Variants in OR4C6 observed in about 807,000 individuals in gnomAD.
OR4C6 encodes olfactory receptor family 4 subfamily C member 6, also known as olfactory receptor 4C6.
A neutral mutation model predicts 13.9 loss-of-function variants in OR4C6; 20 were observed. That is an observed-to-expected ratio of 1.43 (90% CI 1.01 to 2.08). The LOEUF is 2.08. Ranked by LOEUF, OR4C6 falls within the 30% of genes most tolerant of loss-of-function variation. The pLI is 0.00. For missense variants in OR4C6, 555 were observed against 381.2 expected (o/e 1.46, Z -3.80); for synonymous variants, 193 against 141.5 (o/e 1.36, Z -2.58).
At chr11:55,662,855 G>A (rs1858686981) in intron 1 of OR4C6, among the ~76,000 whole-genome samples, 2 of 138,986 alleles carry the variant, frequency 1.4e-5, no homozygotes, top group African/African-American at 2.5e-5. Flanking sequence ...CCTGGGCATC[G>A]GAGTTAGTCA....
At chr11:55,663,629 G>A (rs1288110827) in intron 1 of OR4C6, among the ~76,000 whole-genome samples, 1 of 138,466 alleles carries the variant, frequency 7.2e-6, no homozygotes, top group African/African-American at 2.5e-5. Flanking sequence ...AGTTAGTGAT[G>A]CAAAGTGGAA....
intron 1 of OR4C6, among the ~76,000 whole-genome samples, chr11:55,664,485 G>C (rs888609977): frequency 9.2e-5 from 14 of 152,008 alleles, no homozygotes; most frequent in Non-Finnish European, 1.5e-4. Context: ...AAATTTAGAA[G>C]AAAAGCACAC....
At chr11:55,662,871 C>G (rs1424875206) in intron 1 of OR4C6, among the ~76,000 whole-genome samples, 1 of 139,142 alleles carries the variant, frequency 7.2e-6, no homozygotes, top group African/African-American at 2.5e-5. Flanking sequence ...AGTCACATGC[C>G]TGCAAGAAAC....
Position 55,665,823 on chromosome 11 carries a change from C to T in OR4C6, c.657C>T (p.Ile219=). 6.2e-7 allele frequency: 1 copy of T among 1,613,940 alleles called. No individual in the cohort carries two copies. The highest frequency in any genetic ancestry group is 1.1e-5 in the South Asian group (1 of 91,078). ...FLILIASYTV[I]LCSLKSYSSK... ...TCTTAATTGCGTCCTACACGGTCAT[C>T]CTATGCTCCCTGAAGTCTTACAGCT... is the stretch of plus-strand genomic sequence containing the variant. The change falls in exon 2 of 2, where the codon ATC becomes ATT. Residue 219 remains isoleucine, a synonymous_variant. Coordinates refer to ENST00000314259, the MANE Select transcript of OR4C6 (RefSeq NM_001004704.2).
intron 1 of OR4C6, among the ~76,000 whole-genome samples, chr11:55,664,835 G>A (rs977213240): frequency 9.2e-5 from 14 of 152,102 alleles, no homozygotes; most frequent in South Asian, 6.2e-4. Flanking sequence ...CCAAGGTGAG[G>A]TAGGTGCTAA....
intron 1 of OR4C6, among the ~76,000 whole-genome samples, chr11:55,664,062 C>T (rs78786913): frequency 0.023 from 2,113 of 91,598 alleles, 248 homozygotes; most frequent in African/African-American, 0.062. Context: ...GAATCGAAGC[C>T]GTGTGAGCAA....
chr11:55,665,837 A>G lies in OR4C6; in HGVS notation c.671A>G (p.Lys224Arg), dbSNP rs375652572. The change falls in exon 2 of 2, where the codon AAG (lysine) becomes AGG (arginine). Residue 224 changes from lysine (K) to arginine (R), a missense_variant. Physicochemically the swap from Lys to Arg is conservative, Grantham distance 26. Coordinates refer to ENST00000314259, the MANE Select transcript of OR4C6 (RefSeq NM_001004704.2). ...ASYTVILCSL[K>R]SYSSKGRHKA... is the part of the protein sequence containing the mutation. ...TACACGGTCATCCTATGCTCCCTGA[A>G]GTCTTACAGCTCTAAAGGGCGGCAC... 6.2e-7 allele frequency: 1 copy of G among 1,613,884 alleles called. No individual in the cohort carries two copies. The highest frequency in any genetic ancestry group is 8.5e-7 in the Non-Finnish European group (1 of 1,180,012).
intron 1 of OR4C6, 46 bp from the exon 2 acceptor site, chr11:55,665,079 G>A: frequency 2.4e-6 from 2 of 835,340 alleles, no homozygotes; most frequent in South Asian, 1.7e-5. Context: ...GGAAATACAA[G>A]AAGCCAAATT....
rs1031527276 is a variant in OR4C6 at position 55,664,857 on chromosome 11, A to G, written c.-42-268A>G. 3.3e-5 allele frequency among the ~76,000 whole-genome samples: 5 copies of G among 152,092 alleles called. No homozygotes were observed. In the South Asian group the frequency reaches 1.0e-3, roughly 32 times the overall value. ...GAGGTAGGTGCTAAAAAAGTTATCT[A>G]TTAATAATAACTATTATAAAGGTAG... is the stretch of plus-strand genomic sequence containing the variant. On this transcript the variant is annotated intron_variant, in intron 1 of 1. Transcript: ENST00000314259.
chr11:55,665,390 T>C lies in OR4C6; in HGVS notation c.224T>C (p.Val75Ala). 6.2e-7 allele frequency: 1 copy of C among 1,613,794 alleles called. No individual in the cohort carries two copies. Among genetic ancestry groups the C allele is most frequent in the Non-Finnish European group, 8.5e-7 (1 of 1,179,898 alleles). The change falls in exon 2 of 2, where the codon GTT becomes GCT. Residue 75 changes from valine to alanine, a missense_variant. By Grantham distance (64) the Val-to-Ala change is moderately conservative. Transcript: ENST00000314259. Reference sequence around the variant, plus strand: ...TTGGATGTCATGTTCTCATCTGTCGTTGCCCCCAAGGTGATTGTAGACACC... The same window carrying C: ...TTGGATGTCATGTTCTCATCTGTCGCTGCCCCCAAGGTGATTGTAGACACC... ...SLLDVMFSSV[V>A]APKVIVDTLS... is the part of the protein sequence containing the mutation.
chr11:55,665,516 C>T lies in OR4C6; in HGVS notation c.350C>T (p.Ala117Val). The T allele has an allele frequency of 6.2e-7, 1 of 1,613,818 alleles. No individual in the cohort carries two copies. Among genetic ancestry groups the T allele is most frequent in the Non-Finnish European group, 8.5e-7 (1 of 1,179,962 alleles). Reference protein sequence around the residue: ...GVGIILLTVMAYDRYVAICKP... With the variant: ...GVGIILLTVMVYDRYVAICKP... ...GGGATCATCCTCCTCACTGTGATGG[C>T]CTATGACCGCTACGTGGCCATCTGT... Residue 117 changes from alanine to valine, a missense_variant, in exon 2 of 2, where the codon GCC becomes GTC. Coordinates refer to ENST00000314259, the MANE Select transcript of OR4C6 (RefSeq NM_001004704.2).
Position 55,665,520 on chromosome 11 carries a change from TGACCGCTAC to T in OR4C6, c.356_364del (p.Asp119_Tyr121del). 1 of 1,613,842 alleles carries T rather than the reference TGACCGCTAC, an allele frequency of 6.2e-7. No individual in the cohort carries two copies. Among genetic ancestry groups the T allele is most frequent in the Admixed American group, 1.7e-5 (1 of 59,992 alleles). On this transcript the variant is annotated inframe_deletion, in exon 2 of 2. Coordinates refer to ENST00000314259, the MANE Select transcript of OR4C6 (RefSeq NM_001004704.2). ...TCATCCTCCTCACTGTGATGGCCTATGACCGCTACGTGGCCATCTGTAAGCCCCTGCACT... is the reference window on the plus strand; with the variant it reads ...TCATCCTCCTCACTGTGATGGCCTATGTGGCCATCTGTAAGCCCCTGCACT...
intron 1 of OR4C6, among the ~76,000 whole-genome samples, chr11:55,662,797 G>A (rs1020035525): frequency 7.2e-6 from 1 of 138,190 alleles, no homozygotes; most frequent in African/African-American, 2.5e-5. Context: ...AGTTTTGTGA[G>A]CCATCAGGTG....
rs1204745924 is a variant in OR4C6, at chr11:55,663,134, G to A, written c.-43+886G>A. On this transcript the variant is annotated intron_variant, in intron 1 of 1. Transcript: ENST00000314259. Reference sequence around the variant, plus strand: ...TAGCCTGGCTAGGACTTAGAGGTAGGTTTGCTGTGTCTGAATTCAGGAACA... The same window carrying A: ...TAGCCTGGCTAGGACTTAGAGGTAGATTTGCTGTGTCTGAATTCAGGAACA... 3.6e-5 allele frequency among the ~76,000 whole-genome samples: 5 copies of A among 138,088 alleles called. 1 individual carries two copies. The highest frequency in any genetic ancestry group is 8.0e-5 in the Non-Finnish European group (5 of 62,256). The allele number at this position is 138,088 out of a possible 152,430, so 90.6% of individuals were successfully genotyped here.
chr11:55,663,764 C>T lies in OR4C6; in HGVS notation c.-42-1361C>T, dbSNP rs1858698299. ...GGATGAGATTAAGTAATATATGGCA[C>T]TTCCACAGTTTCCTGTGGTTGTTCT... On this transcript the variant is annotated intron_variant, in intron 1 of 1. Transcript: ENST00000314259. 1.7e-5 allele frequency among the ~76,000 whole-genome samples: 2 copies of T among 118,744 alleles called. 1 individual carries two copies. Among genetic ancestry groups the T allele is most frequent in the Non-Finnish European group, 3.9e-5 (2 of 51,282 alleles). 77.9% of individuals were successfully genotyped at this position (118,744 alleles called of 152,430 possible).
chr11:55,664,714 G>A (rs1158783473), intron 1 of OR4C6, among the ~76,000 whole-genome samples: 1 of 152,002 alleles, frequency 6.6e-6, no homozygotes, highest in African/African-American at 2.4e-5. Flanking sequence ...CACTACTGAA[G>A]AGCTATGTGA....
At position 55,666,088 on chromosome 11, in the gene OR4C6, G is replaced by A. The variant is rs148830288; in HGVS notation, c.922G>A (p.Gly308Arg). 38 of 1,606,390 alleles carry A rather than the reference G, an allele frequency of 2.4e-5. No homozygotes were observed. In the African/African-American group the frequency reaches 3.9e-4, roughly 16 times the overall value. ...KLWMKWEALA[G>R]K is the part of the protein sequence containing the mutation. ...CTGGATGAAATGGGAGGCTTTGGCT[G>A]GGAAATAACTGCAATGCTGAGAACA... Residue 308 changes from glycine to arginine, a missense_variant, in exon 2 of 2, where the codon GGG (glycine) becomes AGG (arginine). Coordinates refer to ENST00000314259, the MANE Select transcript of OR4C6 (RefSeq NM_001004704.2).
rs776627034 is a variant in OR4C6 at position 55,665,399 on chromosome 11, A to G, written c.233A>G (p.Lys78Arg). 4 of 1,613,690 alleles carry G rather than the reference A, an allele frequency of 2.5e-6. No individual in the cohort carries two copies. The Admixed American group carries it at 5.0e-5, about 20-fold the overall frequency. ...ATGTTCTCATCTGTCGTTGCCCCCAAGGTGATTGTAGACACCCTCTCCAAG... is the reference window on the plus strand; with the variant it reads ...ATGTTCTCATCTGTCGTTGCCCCCAGGGTGATTGTAGACACCCTCTCCAAG... ...DVMFSSVVAP[K>R]VIVDTLSKST... The change falls in exon 2 of 2, where the codon AAG becomes AGG. Residue 78 changes from lysine (K) to arginine (R), a missense_variant. Lys to Arg is a conservative substitution (Grantham distance 26, BLOSUM62 2). Transcript: ENST00000314259.
chr11:55,665,929 T>C lies in OR4C6; in HGVS notation c.763T>C (p.Leu255=), dbSNP rs909254278. Residue 255 remains leucine, a synonymous_variant, in exon 2 of 2, where the codon TTG becomes CTG. Transcript: ENST00000314259. ...VVLFFVPCIF[L]YMRPVVTHPI... ...ATTGTTCTTTGTCCCCTGTATTTTC[T>C]TGTACATGAGGCCTGTGGTCACTCA... 1.9e-6 allele frequency: 3 copies of C among 1,613,848 alleles called. No homozygotes were observed. Among genetic ancestry groups the C allele is most frequent in the Admixed American group, 3.3e-5 (2 of 59,976 alleles).
Sources: gnomAD v4.1 joint callset for allele counts (sites outside exome capture counted in the v4.1 genomes callset) on GRCh38, gnomAD v4.1.1 for gene constraint, MANE v1.5 for transcripts, NCBI Gene and HGNC (gene_info 2026-07-23, HGNC 2026-07-21) for gene names.